ACADM: variants seen among roughly 807,000 people sequenced by gnomAD.
The protein encoded by ACADM is acyl-CoA dehydrogenase medium chain.
Under a neutral mutation model 58.9 loss-of-function variants are expected in ACADM, and 49 were observed. That is an observed-to-expected ratio of 0.83 (90% CI 0.66 to 1.06). The LOEUF (loss-of-function observed/expected upper bound fraction) is 1.06, where lower values mean the gene tolerates loss of function less well. ACADM is among the 50% of genes least tolerant of loss of function. The pLI is 0.00. For missense variants in ACADM, 496 were observed against 507.0 expected (o/e 0.98, Z 0.21); for synonymous variants, 160 against 157.7 (o/e 1.01, Z -0.11).
chr1:75,754,683 G>A (rs1648398648), intron 10 of ACADM, among the ~76,000 whole-genome samples: 1 of 152,212 alleles, frequency 6.6e-6, no homozygotes, highest in African/African-American at 2.4e-5. Context: ...CCAGTCTACA[G>A]GTCCCAGCAT....
chr1:75,760,348 G>T (rs1411066961), intron 10 of ACADM, among the ~76,000 whole-genome samples: 4 of 149,594 alleles, frequency 2.7e-5, no homozygotes, highest in Non-Finnish European at 5.9e-5. Flanking sequence ...CTTGAACCTG[G>T]GGGGCAGAGG....
At chr1:75,757,269 G>A (rs886937566) in intron 10 of ACADM, among the ~76,000 whole-genome samples, 2 of 152,048 alleles carry the variant, frequency 1.3e-5, no homozygotes, top group African/African-American at 4.8e-5. Context: ...GAGTGAACAG[G>A]CAACCTACAG....
chr1:75,752,006 T>TG (rs929489270), intron 10 of ACADM, among the ~76,000 whole-genome samples: 1 of 151,560 alleles, frequency 6.6e-6, no homozygotes, highest in African/African-American at 2.4e-5. Context: ...TTTTTTTTTT[T>TG]TTTTGAGACA....
In ACADM at chr1:75,732,688, T is replaced by C. The variant is rs1431180159; in HGVS notation, c.163T>C (p.Phe55Leu). 2 of 1,614,058 alleles carry C rather than the reference T, an allele frequency of 1.2e-6. No homozygotes were observed. Among genetic ancestry groups the C allele is most frequent in the Admixed American group, 3.3e-5 (2 of 60,016 alleles). Residue 55 changes from phenylalanine to leucine, a missense_variant, in exon 3 of 12, where the codon TTT becomes CTT. By Grantham distance (22) the Phe-to-Leu change is conservative. Transcript: ENST00000370841. ...QKEFQATARKFAREEIIPVAA... is the reference protein window; with the variant it reads ...QKEFQATARKLAREEIIPVAA... ...AGAATTTCAAGCTACTGCTCGTAAATTTGCCAGAGAGGAAATCATCCCAGT... is the reference window on the plus strand; with the variant it reads ...AGAATTTCAAGCTACTGCTCGTAAACTTGCCAGAGAGGAAATCATCCCAGT...
intron 10 of ACADM, among the ~76,000 whole-genome samples, chr1:75,760,265 A>C (rs1369110641): frequency 1.6e-5 from 1 of 61,574 alleles, no homozygotes; most frequent in African/African-American, 6.0e-5. Flanking sequence ...CTAAAAATAC[A>C]AAAAAAAAAA....
intron 10 of ACADM, among the ~76,000 whole-genome samples, chr1:75,759,013 T>C (rs1648671972): frequency 1.3e-5 from 2 of 152,288 alleles, no homozygotes; most frequent in South Asian, 4.1e-4. Context: ...CTGTAACACT[T>C]GCCACGGAGG....
intron 7 of ACADM, chr1:75,745,543 C>G: frequency 2.2e-6 from 1 of 463,292 alleles, no homozygotes; most frequent in Non-Finnish European, 3.9e-6. Flanking sequence ...ATATACTGTA[C>G]TGCGGGTAAC....
At chr1:75,734,160 A>ATT (rs1160368175) in intron 5 of ACADM, among the ~76,000 whole-genome samples, 37 of 84,216 alleles carry the variant, frequency 4.4e-4, no homozygotes, top group African/African-American at 6.0e-4. Flanking sequence ...TAATTTTTGT[A>ATT]TTTTTTTTTT....
intron 6 of ACADM, among the ~76,000 whole-genome samples, chr1:75,737,152 G>GC (rs1647294229): frequency 6.7e-6 from 1 of 150,348 alleles, no homozygotes; most frequent in South Asian, 2.1e-4. Flanking sequence ...CCAAGAACAG[G>GC]CCAGGCATGG....
intron 1 of ACADM, among the ~76,000 whole-genome samples, chr1:75,727,630 A>T (rs1050104007): frequency 2.0e-5 from 3 of 152,218 alleles, no homozygotes; most frequent in South Asian, 2.1e-4. Flanking sequence ...CCTTTGAAGA[A>T]ATATGACTAT....
rs56885972 is a variant in ACADM at position 75,731,278 on chromosome 1, C to CA, written c.119-1339dup. Among the ~76,000 whole-genome samples the CA allele has an allele frequency of 6.6e-3, 430 of 64,902 alleles. 24 individuals carry two copies. Among genetic ancestry groups the CA allele is most frequent in the Admixed American group, 0.028 (119 of 4,216 alleles). 42.6% of individuals were successfully genotyped at this position (64,902 alleles called of 152,430 possible). On this transcript the variant is annotated intron_variant, in intron 2 of 11. Coordinates refer to ENST00000370841, the MANE Select transcript of ACADM (RefSeq NM_000016.6). ...TGGGCGACAGAGCGAGACTCCGTCT[C>CA]AAAAAAAAAAAAAAAAAAAAAAAAA...
At chr1:75,738,682 C>T (rs1349066645) in intron 6 of ACADM, among the ~76,000 whole-genome samples, 1 of 152,118 alleles carries the variant, frequency 6.6e-6, no homozygotes, top group Admixed American at 6.5e-5. Context: ...TGGTCTCAAG[C>T]GATCCTCCCA....
intron 7 of ACADM, chr1:75,743,928 T>A (rs2100401974): frequency 6.6e-7 from 1 of 1,507,258 alleles, no homozygotes; most frequent in Admixed American, 1.7e-5. Context: ...CCTTCACAGA[T>A]GCCGACATGA....
At chr1:75,756,014 C>G (rs974765105) in intron 10 of ACADM, among the ~76,000 whole-genome samples, 16 of 152,170 alleles carry the variant, frequency 1.1e-4, no homozygotes, top group African/African-American at 3.6e-4. Context: ...CAGCAAAATT[C>G]AACAGTTCTT....
intron 7 of ACADM, among the ~76,000 whole-genome samples, chr1:75,741,887 G>A (rs1647585927): frequency 6.6e-6 from 1 of 152,146 alleles, no homozygotes; most frequent in African/African-American, 2.4e-5. Context: ...TGCACTTCAA[G>A]ATCTTTCTGA....
At chr1:75,737,308 A>G (rs1467949992) in intron 6 of ACADM, among the ~76,000 whole-genome samples, 1 of 106,002 alleles carries the variant, frequency 9.4e-6, no homozygotes, top group Non-Finnish European at 2.1e-5. Context: ...ATATATATAT[A>G]TATATATATA....
chr1:75,753,884 C>T (rs2788654), intron 10 of ACADM, among the ~76,000 whole-genome samples: 50,367 of 141,666 alleles, frequency 0.36, 9,950 homozygotes, highest in African/African-American at 0.52. Flanking sequence ...GCAACCACTG[C>T]CTCCTGGCTT....
At chr1:75,746,703 A>G (rs1557455814) in intron 8 of ACADM, among the ~76,000 whole-genome samples, 2 of 152,018 alleles carry the variant, frequency 1.3e-5, no homozygotes, top group Admixed American at 6.5e-5. Context: ...GGCTCAAACA[A>G]TCATCCCACC....
chr1:75,743,395 T>G (rs1348227626), intron 7 of ACADM: 3 of 1,604,922 alleles, frequency 1.9e-6, no homozygotes, highest in African/African-American at 1.3e-5. Flanking sequence ...GCATGATCAA[T>G]TTGTAGGGTG....
Sources: gnomAD v4.1 joint callset for allele counts (sites outside exome capture counted in the v4.1 genomes callset) on GRCh38, gnomAD v4.1.1 for gene constraint, MANE v1.5 for transcripts, NCBI Gene and HGNC (gene_info 2026-07-23, HGNC 2026-07-21) for gene names.